PPP4R2: variants seen among roughly 807,000 people sequenced by gnomAD.
PPP4R2 encodes the protein protein phosphatase 4 regulatory subunit 2, also known as serine/threonine-protein phosphatase 4 regulatory subunit 2.
PPP4R2 carries 13 observed loss-of-function variants against 47.2 expected under a neutral mutation model. The observed-to-expected ratio is 0.28, with a 90% confidence interval of 0.18 to 0.44. The LOEUF (loss-of-function observed/expected upper bound fraction) is 0.44, where lower values mean the gene tolerates loss of function less well. Among genes scored for constraint, PPP4R2 ranks in the 20% least tolerant of loss-of-function variants. The pLI is 1.00. For synonymous variants in PPP4R2, 151 were observed against 163.3 expected, an observed-to-expected ratio of 0.92 and a Z score of 0.57; for missense variants, 421 against 491.2, an observed-to-expected ratio of 0.86 and a Z score of 1.35.
At chr3:73,058,785 C>T (rs1020232801) in intron 3 of PPP4R2, among the ~76,000 whole-genome samples, 2 of 143,530 alleles carry the variant, frequency 1.4e-5, no homozygotes, top group African/African-American at 5.2e-5. Flanking sequence ...GTTAACCATT[C>T]CCCCCTCCCT....
Position 73,007,780 on chromosome 3 carries a change from C to T in PPP4R2, c.116+9622C>T, listed in dbSNP as rs13075315. Among the ~76,000 whole-genome samples the T allele has an allele frequency of 4.9e-3, 752 of 152,246 alleles. 3 individuals carry two copies. The highest frequency in any genetic ancestry group is 8.7e-3 in the Non-Finnish European group (592 of 68,030). Reference sequence around the variant, plus strand: ...CTGGGATAACAGGTGTGAGCCACCGCGCCCGGCCTCTATGGGGTTTCTTAA... The same window carrying T: ...CTGGGATAACAGGTGTGAGCCACCGTGCCCGGCCTCTATGGGGTTTCTTAA... On this transcript the variant is annotated intron_variant, in intron 2 of 8. Transcript: ENST00000356692.
chr3:73,044,263 T>C (rs1017187042), intron 2 of PPP4R2, among the ~76,000 whole-genome samples: 4 of 152,154 alleles, frequency 2.6e-5, no homozygotes, highest in Admixed American at 6.5e-5. Flanking sequence ...ACCAAACTGC[T>C]TTCCACAGTG....
In PPP4R2 at chr3:73,015,500, G is replaced by A. The variant is rs1435764181; in HGVS notation, c.116+17342G>A. ...TACTGTCTTTTTTTTTTTTTTTTTA[G>A]GGTCTCGCTCTGTCGCCCAGGCTGG... On this transcript the variant is annotated intron_variant, in intron 2 of 8. Transcript: ENST00000356692. Among the ~76,000 whole-genome samples, 4 of 142,894 alleles carry A rather than the reference G, an allele frequency of 2.8e-5. No homozygotes were observed. In the South Asian group the frequency reaches 9.0e-4, roughly 32 times the overall value. 93.7% of individuals were successfully genotyped at this position (142,894 alleles called of 152,430 possible).
chr3:73,032,469 A>G (rs1702184445), intron 2 of PPP4R2, among the ~76,000 whole-genome samples: 1 of 151,908 alleles, frequency 6.6e-6, no homozygotes, highest in Admixed American at 6.6e-5. Flanking sequence ...TTGTATTTTT[A>G]GTAGAGGCGG....
chr3:73,064,772 C>A lies in PPP4R2; in HGVS notation c.639-80C>A, dbSNP rs529389905. On this transcript the variant is annotated intron_variant, in intron 7 of 8. Coordinates refer to ENST00000356692, the MANE Select transcript of PPP4R2 (RefSeq NM_174907.4). ...TTTGACACTGAAATACAATTTAAAACATTATTTAACCTTAAAAATGGGGAT... is the reference window on the plus strand; with the variant it reads ...TTTGACACTGAAATACAATTTAAAAAATTATTTAACCTTAAAAATGGGGAT... 4.1e-6 allele frequency: 5 copies of A among 1,233,250 alleles called. No individual in the cohort carries two copies. In the East Asian group the frequency reaches 1.2e-4, roughly 29 times the overall value. The allele number at this position is 1,233,250 out of a possible 1,614,324, so 76.4% of individuals were successfully genotyped here.
At chr3:73,031,738 C>G (rs1702167910) in intron 2 of PPP4R2, among the ~76,000 whole-genome samples, 4 of 152,142 alleles carry the variant, frequency 2.6e-5, no homozygotes, top group Admixed American at 2.6e-4. Context: ...TGGTCTAACA[C>G]AGGTCTTTCT....
intron 2 of PPP4R2, among the ~76,000 whole-genome samples, chr3:73,035,975 A>G (rs895004452): frequency 2.0e-5 from 3 of 152,218 alleles, no homozygotes; most frequent in Non-Finnish European, 4.4e-5. Flanking sequence ...TAGAGAATCA[A>G]TCTAAGTATC....
chr3:73,057,997 T>C (rs1430151375), intron 3 of PPP4R2, among the ~76,000 whole-genome samples: 1 of 152,148 alleles, frequency 6.6e-6, no homozygotes, highest in Non-Finnish European at 1.5e-5. Context: ...TCTGAAGATT[T>C]GTTTGTATTT....
intron 2 of PPP4R2, among the ~76,000 whole-genome samples, chr3:73,034,583 A>T (rs1465701473): frequency 1.3e-5 from 2 of 152,178 alleles, no homozygotes; most frequent in Non-Finnish European, 2.9e-5. Context: ...CCCAGGCTGC[A>T]GTGCAGTGGC....
chr3:73,055,661 C>G (rs1418639364), intron 3 of PPP4R2, among the ~76,000 whole-genome samples: 1 of 125,444 alleles, frequency 8.0e-6, no homozygotes, highest in Non-Finnish European at 1.7e-5. Flanking sequence ...CAGAGTAAAC[C>G]AAACGCTTTT....
intron 4 of PPP4R2, among the ~76,000 whole-genome samples, chr3:73,060,746 T>C (rs1168206091): frequency 6.6e-6 from 1 of 152,170 alleles, no homozygotes; most frequent in Non-Finnish European, 1.5e-5. Context: ...CTACGTATAG[T>C]GTATGATGTT....
At chr3:73,034,480 A>G (rs1702227384) in intron 2 of PPP4R2, among the ~76,000 whole-genome samples, 2 of 152,206 alleles carry the variant, frequency 1.3e-5, no homozygotes, top group Non-Finnish European at 2.9e-5. Flanking sequence ...TTTGATAACT[A>G]TGAGTAGTGC....
chr3:73,052,241 C>CTTTTTTTTTTTTTTTTT (rs71845467), intron 3 of PPP4R2, among the ~76,000 whole-genome samples: 1 of 137,728 alleles, frequency 7.3e-6, no homozygotes, highest in Non-Finnish European at 1.5e-5. Context: ...TAATTTCTTT[C>CTTTTTTTTTTTTTTTTT]TTTTCTTTTT....
chr3:73,015,854 G>A (rs762985505), intron 2 of PPP4R2: 10 of 418,830 alleles, frequency 2.4e-5, no homozygotes, highest in Admixed American at 1.0e-4. Context: ...TAGCCAGGAC[G>A]GTCTCGATCT....
rs185030040 is a variant in PPP4R2, at chr3:73,039,014, A to G, written c.117-8172A>G. ...ACTTTATTGTTTCAAAGCAGGTACT[A>G]TGCCATCTTCAGATAGAAGTTTATG... On this transcript the variant is annotated intron_variant, in intron 2 of 8. Coordinates refer to ENST00000356692, the MANE Select transcript of PPP4R2 (RefSeq NM_174907.4). Among the ~76,000 whole-genome samples, 7 of 152,358 alleles carry G rather than the reference A, an allele frequency of 4.6e-5. No individual in the cohort carries two copies. The South Asian group carries it at 6.2e-4, about 14-fold the overall frequency.
chr3:73,007,100 CTT>C (rs1701624884), intron 2 of PPP4R2, among the ~76,000 whole-genome samples: 1 of 152,190 alleles, frequency 6.6e-6, no homozygotes, highest in South Asian at 2.1e-4. Flanking sequence ...TTTAGGAAAA[CTT>C]TTACATCCCT....
chr3:73,029,480 A>G (rs1702129152), intron 2 of PPP4R2, among the ~76,000 whole-genome samples: 1 of 152,210 alleles, frequency 6.6e-6, no homozygotes, highest in Admixed American at 6.5e-5. Context: ...GGCAAGATAG[A>G]GTGTGATGTG....
intron 3 of PPP4R2, 81 bp downstream of exon 3, chr3:73,047,437 T>A: frequency 1.2e-6 from 1 of 848,228 alleles, no homozygotes; most frequent in East Asian, 2.9e-5. Flanking sequence ...ATGTGTCTGG[T>A]TGATGATTGA....
At chr3:73,003,042 C>T (rs185667679) in intron 2 of PPP4R2, among the ~76,000 whole-genome samples, 8 of 152,054 alleles carry the variant, frequency 5.3e-5, no homozygotes, top group Non-Finnish European at 1.0e-4. Flanking sequence ...CTGATTGTAA[C>T]CAACATTACA....
Sources: allele counts gnomAD v4.1 joint callset (sites outside exome capture counted in the v4.1 genomes callset), GRCh38; gene constraint gnomAD v4.1.1; transcripts MANE v1.5; gene names NCBI Gene and HGNC (gene_info 2026-07-23, HGNC 2026-07-21).